PCOLCE2: variants seen among roughly 807,000 people sequenced by gnomAD.
PCOLCE2 encodes the protein procollagen C-proteinase enhancer 2.
Under a neutral mutation model 47.0 loss-of-function variants are expected in PCOLCE2, and 42 were observed. The ratio of observed to expected loss-of-function variants is 0.89; its 90% confidence interval spans 0.70 to 1.16. PCOLCE2 has a LOEUF of 1.16. Ranked by LOEUF, PCOLCE2 falls within the 50% of genes most tolerant of loss-of-function variation. The pLI, the probability that PCOLCE2 is intolerant of heterozygous loss-of-function variation, is 0.00. For synonymous variants in PCOLCE2, 169 were observed against 191.7 expected (o/e 0.88, Z 0.98); for missense variants, 500 against 526.1 (o/e 0.95, Z 0.49).
rs375882643 is a variant in PCOLCE2, at chr3:142,842,072, G to A, written c.573+852C>T. Among the ~76,000 whole-genome samples the A allele has an allele frequency of 6.6e-6, 1 of 152,162 alleles. No homozygotes were observed. The highest frequency in any genetic ancestry group is 2.4e-5 in the African/African-American group (1 of 41,452). On this transcript the variant is annotated intron_variant, in intron 4 of 8. Transcript: ENST00000295992. The surrounding 1 kb of genome is among the most constrained non-coding windows in gnomAD (Gnocchi z 4.1). ...AACAATGAATGAAGCTTTTTGTGGG[G>A]AACCTGCACATATTTTATTTTAAAT... is the stretch of plus-strand genomic sequence containing the variant.
chr3:142,852,407 A>T (rs1012492455), intron 2 of PCOLCE2, among the ~76,000 whole-genome samples: 2 of 152,156 alleles, frequency 1.3e-5, no homozygotes, highest in Admixed American at 6.5e-5. Context: ...GAAAAAAAAT[A>T]AAAAAATAAA....
At chr3:142,866,325 T>C (rs1415723356) in intron 2 of PCOLCE2, among the ~76,000 whole-genome samples, 4 of 152,186 alleles carry the variant, frequency 2.6e-5, no homozygotes, top group African/African-American at 9.7e-5. Flanking sequence ...TCAGAACTCC[T>C]GGCTCTCAGG....
chr3:142,850,798 A>T (rs917176194), intron 2 of PCOLCE2, among the ~76,000 whole-genome samples: 7 of 99,756 alleles, frequency 7.0e-5, no homozygotes, highest in Non-Finnish European at 1.4e-4. Flanking sequence ...GATGAACAGA[A>T]TAATATGGGG....
chr3:142,880,042 C>T (rs1933581098), intron 2 of PCOLCE2, among the ~76,000 whole-genome samples: 2 of 148,600 alleles, frequency 1.3e-5, no homozygotes, highest in Admixed American at 6.7e-5. Context: ...AATAAACAAC[C>T]CCACCCCCCC....
At chr3:142,883,346 A>C (rs1933661519) in intron 2 of PCOLCE2, among the ~76,000 whole-genome samples, 1 of 152,112 alleles carries the variant, frequency 6.6e-6, no homozygotes. Context: ...TCACTCAGCC[A>C]CCCATACCAT....
intron 6 of PCOLCE2, chr3:142,827,838 G>A: frequency 1.8e-6 from 1 of 548,570 alleles, no homozygotes; most frequent in Non-Finnish European, 3.2e-6. Context: ...AACCCAACAA[G>A]GCGACAGCCT....
chr3:142,870,024 T>C (rs1402624889), intron 2 of PCOLCE2, among the ~76,000 whole-genome samples: 2 of 152,236 alleles, frequency 1.3e-5, no homozygotes, highest in Non-Finnish European at 1.5e-5. Context: ...TTTACCATGC[T>C]ATCTTAAAAT....
rs1007052541 is a variant in PCOLCE2 at position 142,828,292 on chromosome 3, C to T, written c.865+1400G>A. Reference sequence around the variant, plus strand: ...AAAGTGTGAAGGGTCTGACACACCACGGGAAGGGGTTTGGGCTCCCATGTG... The same window carrying T: ...AAAGTGTGAAGGGTCTGACACACCATGGGAAGGGGTTTGGGCTCCCATGTG... On this transcript the variant is annotated intron_variant, in intron 6 of 8. Coordinates refer to ENST00000295992, the MANE Select transcript of PCOLCE2 (RefSeq NM_013363.4). Among the ~76,000 whole-genome samples the T allele has an allele frequency of 5.9e-5, 9 of 152,140 alleles. No homozygotes were observed. The South Asian group carries it at 6.2e-4, about 11-fold the overall frequency.
intron 2 of PCOLCE2, among the ~76,000 whole-genome samples, chr3:142,856,008 C>T (rs1050113556): frequency 2.6e-5 from 4 of 152,176 alleles, no homozygotes; most frequent in Non-Finnish European, 5.9e-5. Flanking sequence ...CCTTACCCAG[C>T]ACCTCTGTGG....
At chr3:142,840,848 G>A (rs1937256447) in intron 4 of PCOLCE2, among the ~76,000 whole-genome samples, 2 of 152,156 alleles carry the variant, frequency 1.3e-5, no homozygotes, top group African/African-American at 4.8e-5. Flanking sequence ...GGCCGAGGCA[G>A]GCAGATCATG....
At chr3:142,824,933 A>G (rs1937057500) in intron 6 of PCOLCE2, among the ~76,000 whole-genome samples, 1 of 152,160 alleles carries the variant, frequency 6.6e-6, no homozygotes. Context: ...CAGCCTATTT[A>G]TATACTCTTA....
chr3:142,881,646 T>G lies in PCOLCE2; in HGVS notation c.192+6023A>C, dbSNP rs115243376. Among the ~76,000 whole-genome samples the G allele has an allele frequency of 6.8e-3, 1,042 of 152,240 alleles. 14 individuals are homozygous for G. The highest frequency in any genetic ancestry group is 0.024 in the African/African-American group (980 of 41,528). On this transcript the variant is annotated intron_variant, in intron 2 of 8. Coordinates refer to ENST00000295992, the MANE Select transcript of PCOLCE2 (RefSeq NM_013363.4). ...TCCTGTACTGAACACTGTAGGCAAA[T>G]GTAAAACAATGGTAAATATTTGTGT...
At chr3:142,870,132 T>A (rs571586172) in intron 2 of PCOLCE2, among the ~76,000 whole-genome samples, 50 of 152,356 alleles carry the variant, frequency 3.3e-4, no homozygotes, top group African/African-American at 1.2e-3. Flanking sequence ...TCTGTCTCTA[T>A]AAGTTAGAAG....
rs372460276 is a variant in PCOLCE2 at position 142,820,951 on chromosome 3, C to T, written c.1044G>A (p.Ala348=). The change falls in exon 8 of 9, where the codon GCG becomes GCA. Residue 348 remains alanine, a synonymous_variant. Coordinates refer to ENST00000295992, the MANE Select transcript of PCOLCE2 (RefSeq NM_013363.4). ...TCATGTTCTTGCCCGCCTGCTGAAT[C>T]GCCAAATTTCCCTCTTTGTAGATGT... ...IINIYKEGNL[A]IQQAGKNMSA... 1.5e-5 allele frequency: 25 copies of T among 1,613,964 alleles called. No homozygotes were observed. In the Admixed American group the frequency reaches 2.2e-4, roughly 14 times the overall value.
chr3:142,877,713 C>T (rs1933528075), intron 2 of PCOLCE2, among the ~76,000 whole-genome samples: 1 of 152,164 alleles, frequency 6.6e-6, no homozygotes, highest in South Asian at 2.1e-4. Flanking sequence ...CTCTCCAATG[C>T]CCATTCTTCT....
rs907149019 is a variant in PCOLCE2 at position 142,882,285 on chromosome 3, G to A, written c.192+5384C>T. Among the ~76,000 whole-genome samples the A allele has an allele frequency of 2.0e-5, 3 of 152,152 alleles. No homozygotes were observed. The East Asian group carries it at 5.8e-4, about 29-fold the overall frequency. On this transcript the variant is annotated intron_variant, in intron 2 of 8. Coordinates refer to ENST00000295992, the MANE Select transcript of PCOLCE2 (RefSeq NM_013363.4). ...TGATCTTGAACACCTTGCTGCAAGC[G>A]ATCTTCCTCCTCGGCCTCCCAAAGT...
intron 4 of PCOLCE2, among the ~76,000 whole-genome samples, chr3:142,841,580 C>G (rs1475810812): frequency 1.3e-5 from 2 of 152,068 alleles, no homozygotes; most frequent in African/African-American, 4.8e-5. Context: ...ATTCAACAGA[C>G]TTATAAAATC....
chr3:142,885,242 G>C (rs1459227334), intron 2 of PCOLCE2, among the ~76,000 whole-genome samples: 2 of 152,180 alleles, frequency 1.3e-5, no homozygotes, highest in African/African-American at 4.8e-5. Context: ...ACCATGCTGG[G>C]ACACATCTCC....
In PCOLCE2 at chr3:142,879,970, C is replaced by CA. The variant is rs772887718; in HGVS notation, c.192+7698dup. Among the ~76,000 whole-genome samples, 358 of 52,452 alleles carry CA rather than the reference C, an allele frequency of 6.8e-3. 2 individuals are homozygous for CA. Among genetic ancestry groups the CA allele is most frequent in the East Asian group, 0.026 (42 of 1,594 alleles). 34.4% of individuals were successfully genotyped at this position (52,452 alleles called of 152,430 possible). ...TGGGCGACAGAGCGAGACTCCATCT[C>CA]AAAAAAAAAAAAAAAAAAAAAGGAA... is the stretch of plus-strand genomic sequence containing the variant. On this transcript the variant is annotated intron_variant, in intron 2 of 8. Coordinates refer to ENST00000295992, the MANE Select transcript of PCOLCE2 (RefSeq NM_013363.4).
Sources: gnomAD v4.1 joint callset for allele counts (sites outside exome capture counted in the v4.1 genomes callset) on GRCh38, gnomAD v4.1.1 for gene constraint, Gnocchi (gnomAD v3.1) non-coding constraint, MANE v1.5 for transcripts, NCBI Gene and HGNC (gene_info 2026-07-23, HGNC 2026-07-21) for gene names.